The following EML6 variants were observed in gnomAD, a reference collection of about 807,000 sequenced individuals.
EML6 encodes echinoderm microtubule-associated protein-like 6.
In EML6, 154 loss-of-function variants were observed where a neutral mutation model predicts 240.1. The observed-to-expected ratio is 0.64, with a 90% confidence interval of 0.56 to 0.73. The LOEUF is 0.73. Among genes scored for constraint, EML6 ranks in the 30% least tolerant of loss-of-function variants. The pLI is 0.00. For synonymous variants in EML6, 1,148 were observed against 899.0 expected (o/e 1.28, Z -4.95); for missense variants, 2,964 against 2,474.6 (o/e 1.20, Z -4.20).
In EML6 at chr2:54,899,681, C is replaced by G. The variant is rs1327763322; in HGVS notation, c.3023C>G (p.Pro1008Arg). ...GAAGTGTGGGGGTTGGCAGCTCACC[C>G]TCTCCTGCCCATCTGTGCAACAGTG... Reference protein sequence around the residue: ...EGEVWGLAAHPLLPICATVSD... With the variant: ...EGEVWGLAAHRLLPICATVSD... The change falls in exon 22 of 42, where the codon CCT becomes CGT. Residue 1008 changes from proline (P) to arginine (R), a missense_variant. Physicochemically the swap from Pro to Arg is moderately radical, Grantham distance 103. Transcript: ENST00000356458. The G allele has an allele frequency of 1.3e-6, 2 of 1,553,906 alleles. No homozygotes were observed. Among genetic ancestry groups the G allele is most frequent in the East Asian group, 4.9e-5 (2 of 41,142 alleles).
intron 9 of EML6, among the ~76,000 whole-genome samples, chr2:54,849,173 C>T (rs1009510533): frequency 6.6e-6 from 1 of 152,180 alleles, no homozygotes; most frequent in Non-Finnish European, 1.5e-5. Flanking sequence ...CACATATTTT[C>T]AGGGTACATG....
intron 2 of EML6, among the ~76,000 whole-genome samples, chr2:54,790,677 G>C (rs1483626070): frequency 1.3e-5 from 2 of 149,832 alleles, no homozygotes; most frequent in Admixed American, 1.3e-4. Context: ...ATCCATATTA[G>C]TATCAGGACC....
Position 54,877,526 on chromosome 2 carries a change from G to C in EML6, c.2345-2021G>C, listed in dbSNP as rs577828702. 2.0e-5 allele frequency among the ~76,000 whole-genome samples: 3 copies of C among 152,236 alleles called. No individual in the cohort carries two copies. The South Asian group carries it at 6.2e-4, about 32-fold the overall frequency. On this transcript the variant is annotated intron_variant, in intron 16 of 41. Coordinates refer to ENST00000356458, the MANE Select transcript of EML6 (RefSeq NM_001039753.4). Reference sequence around the variant, plus strand: ...CAATAAAAATAAAATCAAGTGCAGAGGCATGCCAACATAGAAACAACCAGA... The same window carrying C: ...CAATAAAAATAAAATCAAGTGCAGACGCATGCCAACATAGAAACAACCAGA...
intron 2 of EML6, among the ~76,000 whole-genome samples, chr2:54,746,671 G>A (rs1238964334): frequency 2.6e-5 from 4 of 151,956 alleles, no homozygotes; most frequent in African/African-American, 9.7e-5. Flanking sequence ...CTCTTTAAGC[G>A]ACTTTTTTGT....
intron 2 of EML6, among the ~76,000 whole-genome samples, chr2:54,766,999 A>G (rs1456075471): frequency 6.6e-6 from 1 of 152,180 alleles, no homozygotes; most frequent in African/African-American, 2.4e-5. Flanking sequence ...AGTAGCACCA[A>G]GTATATTAAA....
intron 2 of EML6, among the ~76,000 whole-genome samples, chr2:54,791,372 C>A (rs968642041): frequency 3.3e-5 from 5 of 152,096 alleles, no homozygotes; most frequent in African/African-American, 9.7e-5. Context: ...CAGTGGTTTG[C>A]CAAAATGAGA....
intron 28 of EML6, among the ~76,000 whole-genome samples, chr2:54,942,003 A>T (rs1675454724): frequency 6.6e-6 from 1 of 152,244 alleles, no homozygotes; most frequent in Admixed American, 6.5e-5. Flanking sequence ...AGGTAACTCC[A>T]CTAAAAGCTG....
chr2:54,778,296 T>G (rs1668686124), intron 2 of EML6, among the ~76,000 whole-genome samples: 2 of 152,196 alleles, frequency 1.3e-5, no homozygotes, highest in African/African-American at 4.8e-5. Flanking sequence ...TGTCGAAATT[T>G]ATTCCTAAAG....
At chr2:54,756,121 G>A (rs531588654) in intron 2 of EML6, among the ~76,000 whole-genome samples, 2 of 152,188 alleles carry the variant, frequency 1.3e-5, no homozygotes, top group South Asian at 2.1e-4. Flanking sequence ...TGCCGTGAGC[G>A]ATAGGTGGCA....
intron 2 of EML6, among the ~76,000 whole-genome samples, chr2:54,803,132 G>A (rs1356990709): frequency 2.6e-5 from 4 of 152,194 alleles, no homozygotes; most frequent in Admixed American, 6.5e-5. Flanking sequence ...GGAAAAAGAT[G>A]AAACTGAAGG....
chr2:54,891,394 C>G (rs1672460953), intron 18 of EML6, among the ~76,000 whole-genome samples: 1 of 152,158 alleles, frequency 6.6e-6, no homozygotes, highest in African/African-American at 2.4e-5. Context: ...TGAAAATAAT[C>G]ATTTTTATAT....
At chr2:54,914,770 C>G (rs574212375) in intron 25 of EML6, among the ~76,000 whole-genome samples, 1 of 149,880 alleles carries the variant, frequency 6.7e-6, no homozygotes, top group South Asian at 2.3e-4. Flanking sequence ...TTTGGAAAAT[C>G]TTTTTCAAAG....
At chr2:54,735,371 G>A (rs1481332220) in intron 2 of EML6, among the ~76,000 whole-genome samples, 1 of 152,190 alleles carries the variant, frequency 6.6e-6, no homozygotes, top group African/African-American at 2.4e-5. Flanking sequence ...AAATTATTTG[G>A]AAGGAGCAAG....
chr2:54,846,899 A>G (rs1451677597), intron 8 of EML6, among the ~76,000 whole-genome samples: 1 of 151,040 alleles, frequency 6.6e-6, no homozygotes, highest in Non-Finnish European at 1.5e-5. Context: ...TCCAAAGTGA[A>G]AGTAATATTT....
rs112958688 is a variant in EML6 at position 54,968,328 on chromosome 2, G to C, written c.5751+47G>C. ...CTCCCTGCAGGTTCTCTGTTTGGCC[G>C]TCTGCAGGAGATAGGGGCCACGTCT... On this transcript the variant is annotated intron_variant, in intron 40 of 41. Coordinates refer to ENST00000356458, the MANE Select transcript of EML6 (RefSeq NM_001039753.4). 14 of 1,535,478 alleles carry C rather than the reference G, an allele frequency of 9.1e-6. No individual in the cohort carries two copies. In the Admixed American group the frequency reaches 2.7e-4, roughly 30 times the overall value.
intron 2 of EML6, among the ~76,000 whole-genome samples, chr2:54,762,781 T>G (rs557820389): frequency 6.6e-6 from 1 of 152,328 alleles, no homozygotes; most frequent in Non-Finnish European, 1.5e-5. Context: ...ATTTTGTACT[T>G]TCCCTTCCCT....
intron 6 of EML6, 145 bp from the exon 7 acceptor site, chr2:54,829,197 G>T: frequency 1.6e-6 from 1 of 618,574 alleles, no homozygotes; most frequent in Non-Finnish European, 2.6e-6. Flanking sequence ...ATGGCTACTT[G>T]GTCTATTGTC....
Position 54,931,103 on chromosome 2 carries a change from G to A in EML6, c.4004+2352G>A, listed in dbSNP as rs957688398. Among the ~76,000 whole-genome samples, 63 of 151,994 alleles carry A rather than the reference G, an allele frequency of 4.1e-4. 1 individual carries two copies. Among genetic ancestry groups the A allele is most frequent in the African/African-American group, 1.2e-3 (51 of 41,448 alleles). ...CTCCCAAGTAGCTGGGACTACAGGC[G>A]CCCGCCACCATGCCCGGCTAATTTT... On this transcript the variant is annotated intron_variant, in intron 28 of 41. Transcript: ENST00000356458.
chr2:54,942,930 G>T (rs1675501600), intron 28 of EML6, among the ~76,000 whole-genome samples: 1 of 152,022 alleles, frequency 6.6e-6, no homozygotes, highest in African/African-American at 2.4e-5. Flanking sequence ...CCATTTCCCA[G>T]TCCTGTTGGC....
Sources: gnomAD v4.1 joint callset for allele counts (sites outside exome capture counted in the v4.1 genomes callset) on GRCh38, gnomAD v4.1.1 for gene constraint, MANE v1.5 for transcripts, NCBI Gene and HGNC (gene_info 2026-07-23, HGNC 2026-07-21) for gene names.